PALM2AKAP2: variants seen among roughly 807,000 people sequenced by gnomAD.
PALM2AKAP2 encodes the protein PALM2 and AKAP2 fusion, also known as PALM2-AKAP2 fusion protein.
Under a neutral mutation model 71.5 loss-of-function variants are expected in PALM2AKAP2, and 37 were observed. The ratio of observed to expected loss-of-function variants is 0.52; its 90% CI spans 0.40 to 0.68. The LOEUF (loss-of-function observed/expected upper bound fraction) is 0.68, where lower values mean the gene tolerates loss of function less well. Ranked by LOEUF, PALM2AKAP2 falls within the 30% of genes least tolerant of loss-of-function variation. The pLI, the probability that PALM2AKAP2 is intolerant of heterozygous loss-of-function variation, is 0.00. For synonymous variants in PALM2AKAP2, 468 were observed against 478.8 expected (o/e 0.98, Z 0.29); for missense variants, 1,224 against 1,191.8 (o/e 1.03, Z -0.40).
At chr9:109,825,658 A>G (rs1039213418) in intron 1 of PALM2AKAP2, among the ~76,000 whole-genome samples, 2 of 152,216 alleles carry the variant, frequency 1.3e-5, no homozygotes, top group Non-Finnish European at 2.9e-5. Context: ...TCAAAACCAC[A>G]ATGAGATACC....
chr9:110,139,365 G>A (rs7021390), intron 2 of PALM2AKAP2, among the ~76,000 whole-genome samples: 114,461 of 152,180 alleles, frequency 0.75, 43,195 homozygotes, highest in East Asian at 0.97. Flanking sequence ...CTTCAGCTAT[G>A]GAAAACGCTG....
chr9:110,065,118 C>T (rs186827798), intron 1 of PALM2AKAP2, among the ~76,000 whole-genome samples: 14 of 152,324 alleles, frequency 9.2e-5, no homozygotes, highest in South Asian at 6.2e-4. Context: ...CCTGCACTTC[C>T]GTGACAGCAG....
intron 1 of PALM2AKAP2, among the ~76,000 whole-genome samples, chr9:110,114,154 G>C (rs530847139): frequency 9.1e-4 from 138 of 152,262 alleles, no homozygotes; most frequent in Non-Finnish European, 1.6e-3. Context: ...CAGATGGCAG[G>C]GTTGGTTCCT....
At chr9:110,049,822 T>C (rs1588077816) in intron 1 of PALM2AKAP2, among the ~76,000 whole-genome samples, 1 of 152,192 alleles carries the variant, frequency 6.6e-6, no homozygotes, top group African/African-American at 2.4e-5. Context: ...GTGGCGCTGG[T>C]GGCCGGGTGA....
At chr9:109,818,036 G>A (rs1350339601) in intron 1 of PALM2AKAP2, among the ~76,000 whole-genome samples, 1 of 152,220 alleles carries the variant, frequency 6.6e-6, no homozygotes, top group East Asian at 1.9e-4. Context: ...CTTCCCAGCT[G>A]TCTGAGGACA....
At chr9:109,975,615 G>A (rs1038521514) in intron 6 of PALM2AKAP2, among the ~76,000 whole-genome samples, 1 of 152,160 alleles carries the variant, frequency 6.6e-6, no homozygotes, top group Non-Finnish European at 1.5e-5. Context: ...ACCCTTGATT[G>A]TATTTGAAAA....
At chr9:109,949,622 T>C (rs1831589222) in intron 6 of PALM2AKAP2, among the ~76,000 whole-genome samples, 1 of 152,180 alleles carries the variant, frequency 6.6e-6, no homozygotes, top group Non-Finnish European at 1.5e-5. Context: ...CTTGGGGGCA[T>C]GAACAAAGGG....
intron 1 of PALM2AKAP2, among the ~76,000 whole-genome samples, chr9:109,818,342 T>C (rs1375302055): frequency 6.6e-6 from 1 of 152,110 alleles, no homozygotes; most frequent in Non-Finnish European, 1.5e-5. Context: ...ATCAATAACA[T>C]GGAAACTGAA....
At chr9:109,979,109 C>T (rs1235549390) in intron 6 of PALM2AKAP2, among the ~76,000 whole-genome samples, 1 of 152,122 alleles carries the variant, frequency 6.6e-6, no homozygotes. Context: ...CTTCCCACCT[C>T]AACCTCCAGA....
chr9:110,146,914 C>G (rs2119164754), intron 2 of PALM2AKAP2, among the ~76,000 whole-genome samples: 1 of 152,248 alleles, frequency 6.6e-6, no homozygotes, highest in Non-Finnish European at 1.5e-5. Context: ...GTGTGTGTAT[C>G]TAACTCACAA....
At chr9:110,164,337 G>A (rs193051868) in intron 3 of PALM2AKAP2, among the ~76,000 whole-genome samples, 2 of 152,068 alleles carry the variant, frequency 1.3e-5, no homozygotes, top group African/African-American at 4.8e-5. Context: ...TCTGTCTTTT[G>A]TTTCATATGT....
chr9:109,792,269 T>C (rs1009992217), intron 1 of PALM2AKAP2, among the ~76,000 whole-genome samples: 2 of 152,030 alleles, frequency 1.3e-5, no homozygotes, highest in African/African-American at 4.8e-5. Context: ...AAAATGAAAA[T>C]GAATGAAGAG....
chr9:110,000,848 G>T (rs112799637), intron 6 of PALM2AKAP2, among the ~76,000 whole-genome samples: 150 of 152,174 alleles, frequency 9.9e-4, no homozygotes, highest in African/African-American at 3.4e-3. Context: ...TCGCCCACTT[G>T]TTGATGGGGT....
At chr9:109,873,213 A>C (rs930630573) in intron 2 of PALM2AKAP2, among the ~76,000 whole-genome samples, 5 of 152,214 alleles carry the variant, frequency 3.3e-5, no homozygotes, top group Non-Finnish European at 7.4e-5. Context: ...CTGTAATCCC[A>C]ACACTTTGGG....
chr9:109,797,265 G>T (rs1242990433), intron 1 of PALM2AKAP2, among the ~76,000 whole-genome samples: 1 of 152,172 alleles, frequency 6.6e-6, no homozygotes, highest in Non-Finnish European at 1.5e-5. Flanking sequence ...CCAGCTTGGG[G>T]TTACCCTGAG....
At chr9:109,694,747 A>G (rs551597984) in intron 1 of PALM2AKAP2, among the ~76,000 whole-genome samples, 2 of 152,250 alleles carry the variant, frequency 1.3e-5, no homozygotes, top group South Asian at 4.1e-4. Context: ...ACCAAGAGTC[A>G]GTGGTAACTG....
chr9:109,730,874 A>G (rs2118658747), intron 1 of PALM2AKAP2, among the ~76,000 whole-genome samples: 1 of 152,236 alleles, frequency 6.6e-6, no homozygotes, highest in Middle Eastern at 3.4e-3. Flanking sequence ...CTAACCAACA[A>G]CATATCTTGA....
chr9:109,976,322 A>G (rs1231071358), intron 6 of PALM2AKAP2, among the ~76,000 whole-genome samples: 1 of 152,258 alleles, frequency 6.6e-6, no homozygotes, highest in Non-Finnish European at 1.5e-5. Context: ...ACAGTTATTC[A>G]TGCCATTTTA....
At chr9:109,800,099 A>G (rs10816876) in intron 1 of PALM2AKAP2, among the ~76,000 whole-genome samples, 26,939 of 152,120 alleles carry the variant, frequency 0.18, 2,771 homozygotes, top group East Asian at 0.35. Flanking sequence ...CAGAAATCCT[A>G]TGTTTATCAC....
Sources: allele counts gnomAD v4.1 joint callset (sites outside exome capture counted in the v4.1 genomes callset), GRCh38; gene constraint gnomAD v4.1.1; transcripts MANE v1.5; gene names NCBI Gene and HGNC (gene_info 2026-07-23, HGNC 2026-07-21).